Variants in CHRM3 observed in about 807,000 individuals in gnomAD.
CHRM3 encodes the protein cholinergic receptor muscarinic 3.
In CHRM3, 11 loss-of-function variants were observed where a neutral mutation model predicts 41.8. That is an observed-to-expected ratio of 0.26 (90% CI 0.17 to 0.44). The LOEUF is 0.44. CHRM3 is among the 20% of genes least tolerant of loss of function. The pLI is 1.00. For synonymous variants in CHRM3, 297 were observed against 301.4 expected, an observed-to-expected ratio of 0.99 and a Z score of 0.15; for missense variants, 571 against 745.4, an observed-to-expected ratio of 0.77 and a Z score of 2.72.
intron 3 of CHRM3, among the ~76,000 whole-genome samples, chr1:239,575,762 G>GAT (rs796822152): frequency 6.0e-5 from 9 of 150,870 alleles, no homozygotes; most frequent in Admixed American, 4.6e-4. Flanking sequence ...TATATATAGA[G>GAT]ATATATATAC....
intron 2 of CHRM3, among the ~76,000 whole-genome samples, chr1:239,544,895 C>T (rs1381987872): frequency 1.3e-5 from 2 of 152,158 alleles, no homozygotes; most frequent in Non-Finnish European, 2.9e-5. Context: ...GTCTGTTTTG[C>T]ATGGTCCACG....
At chr1:239,515,188 T>G (rs1383434583) in intron 2 of CHRM3, among the ~76,000 whole-genome samples, 5 of 152,058 alleles carry the variant, frequency 3.3e-5, no homozygotes, top group Non-Finnish European at 7.4e-5. Context: ...TCTCTAGAAA[T>G]AAACTGAATA....
intron 6 of CHRM3, among the ~76,000 whole-genome samples, chr1:239,875,929 C>A (rs1457247496): frequency 1.3e-5 from 2 of 152,156 alleles, no homozygotes; most frequent in Non-Finnish European, 2.9e-5. Flanking sequence ...AGCTTCCCCC[C>A]TTAAAGGTAG....
At chr1:239,825,188 A>T (rs936220472) in intron 5 of CHRM3, among the ~76,000 whole-genome samples, 1 of 152,142 alleles carries the variant, frequency 6.6e-6, no homozygotes, top group Non-Finnish European at 1.5e-5. Context: ...AAAACTTTAA[A>T]ATCATGGTCA....
intron 1 of CHRM3, among the ~76,000 whole-genome samples, chr1:239,394,655 C>T (rs1042495746): frequency 2.0e-5 from 3 of 152,158 alleles, no homozygotes; most frequent in Non-Finnish European, 4.4e-5. Context: ...GAGAAATTAA[C>T]ACTCACCAGG....
At chr1:239,610,120 G>A (rs1666836367) in intron 3 of CHRM3, among the ~76,000 whole-genome samples, 1 of 150,870 alleles carries the variant, frequency 6.6e-6, no homozygotes, top group Non-Finnish European at 1.5e-5. Flanking sequence ...GTGAACCTGG[G>A]AGGCGGGGCT....
chr1:239,852,538 A>G (rs765215162), intron 6 of CHRM3, among the ~76,000 whole-genome samples: 3 of 152,208 alleles, frequency 2.0e-5, no homozygotes, highest in African/African-American at 7.2e-5. Context: ...AACAAAGACT[A>G]TAAAGTCATA....
intron 1 of CHRM3, among the ~76,000 whole-genome samples, chr1:239,451,722 G>A (rs866327049): frequency 1.3e-5 from 2 of 152,046 alleles, no homozygotes; most frequent in African/African-American, 4.8e-5. Flanking sequence ...AAAAGGATGG[G>A]AAGAAATTTA....
intron 3 of CHRM3, among the ~76,000 whole-genome samples, chr1:239,595,004 G>C (rs1191965750): frequency 6.6e-6 from 1 of 152,158 alleles, no homozygotes; most frequent in South Asian, 2.1e-4. Context: ...CAGGAGAATC[G>C]CTTGAACCCG....
rs565683065 is a variant in CHRM3 at position 239,546,419 on chromosome 1, CTG to C, written c.-313+672_-313+673del. ...GAAATTATTAGCTAACTCTCAAACT[CTG>C]TAAAAATAAATGGTGTTGTCTGTGG... On this transcript the variant is annotated intron_variant, in intron 3 of 6. Transcript: ENST00000676153. 2.0e-3 allele frequency: 308 copies of C among 152,182 alleles called. 2 individuals are homozygous for C. The highest frequency in any genetic ancestry group is 7.1e-3 in the African/African-American group (296 of 41,546). The allele number at this position is 152,182 out of a possible 1,614,324, so 9.4% of individuals were successfully genotyped here. A position where few individuals can be genotyped will look rare whatever the true frequency, so the allele number is the denominator to read the frequency against.
At chr1:239,770,450 A>C (rs370014858) in intron 5 of CHRM3, among the ~76,000 whole-genome samples, 1 of 152,224 alleles carries the variant, frequency 6.6e-6, no homozygotes, top group Admixed American at 6.5e-5. Flanking sequence ...GGATTTGAGG[A>C]TATAGACAGG....
intron 2 of CHRM3, among the ~76,000 whole-genome samples, chr1:239,523,668 A>G (rs918023497): frequency 1.3e-5 from 2 of 152,198 alleles, no homozygotes; most frequent in Admixed American, 1.3e-4. Context: ...AGAACCAGGA[A>G]CAAAAAGTGT....
chr1:239,811,265 TG>T (rs1382531397), intron 5 of CHRM3, among the ~76,000 whole-genome samples: 4 of 152,218 alleles, frequency 2.6e-5, no homozygotes, highest in African/African-American at 9.6e-5. Context: ...GCTCTTATGA[TG>T]TGGCAGCACA....
intron 1 of CHRM3, among the ~76,000 whole-genome samples, chr1:239,485,199 G>T (rs754726310): frequency 3.3e-5 from 5 of 152,116 alleles, no homozygotes; most frequent in Non-Finnish European, 5.9e-5. Flanking sequence ...GACGGTGGGG[G>T]CTGTGGCACA....
intron 3 of CHRM3, among the ~76,000 whole-genome samples, chr1:239,590,512 C>T (rs1039613318): frequency 1.3e-5 from 2 of 152,024 alleles, no homozygotes; most frequent in East Asian, 1.9e-4. Flanking sequence ...TTGTTGTAAC[C>T]GTTTTTGATA....
chr1:239,813,573 T>C (rs1671287476), intron 5 of CHRM3, among the ~76,000 whole-genome samples: 1 of 151,964 alleles, frequency 6.6e-6, no homozygotes, highest in Non-Finnish European at 1.5e-5. Context: ...TTCTCCAAAA[T>C]AGAGAGAAGA....
chr1:239,662,639 A>G lies in CHRM3; in HGVS notation c.-249-15547A>G, dbSNP rs1202837589. On this transcript the variant is annotated intron_variant, in intron 4 of 6. Coordinates refer to ENST00000676153, the MANE Select transcript of CHRM3 (RefSeq NM_001375978.1). ...CCAGCCTTACTCAGGACAGGTATCCAGAGAGTACAAGTATCTAGTAACTTG... is the reference window on the plus strand; with the variant it reads ...CCAGCCTTACTCAGGACAGGTATCCGGAGAGTACAAGTATCTAGTAACTTG... Among the ~76,000 whole-genome samples the G allele has an allele frequency of 2.0e-5, 3 of 152,332 alleles. No homozygotes were observed. In the East Asian group the frequency reaches 5.8e-4, roughly 29 times the overall value.
intron 1 of CHRM3, among the ~76,000 whole-genome samples, chr1:239,459,338 T>C (rs1425082187): frequency 6.6e-6 from 1 of 152,192 alleles, no homozygotes; most frequent in African/African-American, 2.4e-5. Flanking sequence ...TAACAAAATA[T>C]GGCTGAAAAT....
intron 2 of CHRM3, among the ~76,000 whole-genome samples, chr1:239,503,897 G>A (rs937754078): frequency 2.0e-5 from 3 of 151,914 alleles, no homozygotes; most frequent in Non-Finnish European, 2.9e-5. Flanking sequence ...CTCATCTCTG[G>A]CCTTATAAAA....
Sources: allele counts gnomAD v4.1 joint callset (sites outside exome capture counted in the v4.1 genomes callset), GRCh38; gene constraint gnomAD v4.1.1; transcripts MANE v1.5; gene names NCBI Gene and HGNC (gene_info 2026-07-23, HGNC 2026-07-21).